The following ZMYM4 variants were observed in gnomAD, a reference collection of about 807,000 sequenced individuals.
ZMYM4 encodes the protein zinc finger MYM-type protein 4.
ZMYM4 carries 31 observed loss-of-function variants against 183.2 expected under a neutral mutation model. The observed-to-expected ratio is 0.17, with a 90% confidence interval of 0.13 to 0.23. ZMYM4 has a LOEUF of 0.23. Among genes scored for constraint, ZMYM4 ranks in the 10% least tolerant of loss-of-function variants. The probability of loss-of-function intolerance (pLI) is 1.00; values close to 1 mark genes in which losing one functional copy is unlikely to be tolerated. For synonymous variants in ZMYM4, 592 were observed against 631.2 expected, an observed-to-expected ratio of 0.94 and a Z score of 0.93; for missense variants, 1,273 against 1,840.3, an observed-to-expected ratio of 0.69 and a Z score of 5.64.
At chr1:35,382,289 TAG>T (rs1209121409) in intron 9 of ZMYM4, among the ~76,000 whole-genome samples, 50 of 150,744 alleles carry the variant, frequency 3.3e-4, no homozygotes, top group African/African-American at 1.2e-3. Context: ...TATATACATA[TAG>T]AGAGAGTTTA....
chr1:35,301,067 G>C (rs1641255195), intron 1 of ZMYM4, among the ~76,000 whole-genome samples: 1 of 152,030 alleles, frequency 6.6e-6, no homozygotes. Flanking sequence ...GATATTTTTG[G>C]TACCCTGTAT....
intron 28 of ZMYM4, among the ~76,000 whole-genome samples, chr1:35,417,004 G>T (rs1363801335): frequency 6.6e-6 from 1 of 152,166 alleles, no homozygotes; most frequent in Non-Finnish European, 1.5e-5. Context: ...TTAGCTAGCT[G>T]CTAAATGGAA....
In ZMYM4 at chr1:35,359,405, A is replaced by G. The variant is rs770204614; in HGVS notation, c.566A>G (p.Asp189Gly). 1 of 1,576,952 alleles carries G rather than the reference A, an allele frequency of 6.3e-7. No individual in the cohort carries two copies. Among genetic ancestry groups the G allele is most frequent in the South Asian group, 1.2e-5 (1 of 84,144 alleles). ...AAACGGTTGGATAAACCCCATAAAG[A>G]TTTGGATTCAAGGTTGAAAAGCAGT... is the stretch of plus-strand genomic sequence containing the variant. Reference protein sequence around the residue: ...REKRLDKPHKDLDSRLKSSFF... With the variant: ...REKRLDKPHKGLDSRLKSSFF... Residue 189 changes from aspartate to glycine, a missense_variant, in exon 3 of 30, where the codon GAT becomes GGT. Physicochemically the swap from Asp to Gly is moderately conservative, Grantham distance 94 (BLOSUM62 -1). Transcript: ENST00000314607.
At chr1:35,275,213 C>CT (rs764995312) in intron 1 of ZMYM4, among the ~76,000 whole-genome samples, 6 of 152,042 alleles carry the variant, frequency 3.9e-5, no homozygotes, top group Non-Finnish European at 5.9e-5. Context: ...TATGTTTGTA[C>CT]TTTTTTTGAC....
intron 18 of ZMYM4, among the ~76,000 whole-genome samples, chr1:35,396,215 G>A (rs1373392552): frequency 2.0e-5 from 3 of 152,088 alleles, no homozygotes; most frequent in Non-Finnish European, 4.4e-5. Flanking sequence ...TGATGGAAAT[G>A]GCCCCTCCCT....
Position 35,392,288 on chromosome 1 carries a change from T to C in ZMYM4, c.2664T>C (p.Asn888=). The part of the protein sequence containing the change: ...LRKDSTPVIA[N]VVSLASAPAA... ...AAGATTCGACTCCAGTTATAGCCAATGTAGTATCATTGGCAAGTGCCCCTG... is the reference window on the plus strand; with the variant it reads ...AAGATTCGACTCCAGTTATAGCCAACGTAGTATCATTGGCAAGTGCCCCTG... Residue 888 remains asparagine (N), a synonymous_variant, in exon 16 of 30, where the codon AAT becomes AAC. Transcript: ENST00000314607. The C allele has an allele frequency of 6.2e-7, 1 of 1,614,210 alleles. No individual in the cohort carries two copies. The highest frequency in any genetic ancestry group is 2.2e-5 in the East Asian group (1 of 44,878).
chr1:35,384,863 G>A (rs1224607398), intron 9 of ZMYM4, among the ~76,000 whole-genome samples: 4 of 141,226 alleles, frequency 2.8e-5, no homozygotes, highest in African/African-American at 1.1e-4. Context: ...TTTTTTTGAG[G>A]TGGAATCTTC....
At chr1:35,361,490 A>AT (rs1199331725) in intron 4 of ZMYM4, 129 bp from the exon 5 acceptor site, 4 of 1,128,174 alleles carry the variant, frequency 3.5e-6, no homozygotes, top group Non-Finnish European at 5.0e-6. Context: ...AGGCGTAGGC[A>AT]TAAGATCCAA....
In ZMYM4 at chr1:35,357,692, G is replaced by A. The variant is rs376743969; in HGVS notation, c.86-1233G>A. The stretch of plus-strand genomic sequence containing the variant: ...TCTGAGGGAAATATAAGAAGCATAT[G>A]CTTGGAATGGGAGGGAACATGATGA... On this transcript the variant is annotated intron_variant, in intron 2 of 29. Coordinates refer to ENST00000314607, the MANE Select transcript of ZMYM4 (RefSeq NM_005095.3). 4.5e-4 allele frequency among the ~76,000 whole-genome samples: 69 copies of A among 152,310 alleles called. 1 individual carries two copies. Among genetic ancestry groups the A allele is most frequent in the African/African-American group, 1.6e-3 (67 of 41,570 alleles).
At chr1:35,394,950 A>G (rs1171847785) in intron 18 of ZMYM4, among the ~76,000 whole-genome samples, 6 of 151,642 alleles carry the variant, frequency 4.0e-5, no homozygotes, top group Non-Finnish European at 5.9e-5. Flanking sequence ...CATCTCTACT[A>G]AAAAATTTTT....
intron 1 of ZMYM4, among the ~76,000 whole-genome samples, chr1:35,274,466 G>T (rs579506): frequency 0.011 from 1,612 of 152,094 alleles, 30 homozygotes; most frequent in African/African-American, 0.032. Flanking sequence ...ATTACCCGAG[G>T]TTTAGTAGCC....
At chr1:35,346,650 CAAAAAAAAAA>C (rs746472685) in intron 2 of ZMYM4, among the ~76,000 whole-genome samples, 1 of 54,188 alleles carries the variant, frequency 1.8e-5, no homozygotes, top group East Asian at 3.3e-4. Flanking sequence ...GACTCCATCT[CAAAAAAAAAA>C]AAAAAAAAAA....
At chr1:35,327,998 C>T (rs183110383) in intron 2 of ZMYM4, among the ~76,000 whole-genome samples, 32 of 152,240 alleles carry the variant, frequency 2.1e-4, no homozygotes, top group Non-Finnish European at 4.4e-4. Context: ...TGTTTGAATA[C>T]CTATTTTGGA....
intron 2 of ZMYM4, among the ~76,000 whole-genome samples, chr1:35,358,407 C>G (rs1643876297): frequency 6.6e-6 from 1 of 152,062 alleles, no homozygotes; most frequent in Non-Finnish European, 1.5e-5. Context: ...GGACTCAGAC[C>G]AAAGACCTGA....
chr1:35,317,365 G>A (rs1355569879), intron 1 of ZMYM4, among the ~76,000 whole-genome samples: 1 of 152,088 alleles, frequency 6.6e-6, no homozygotes, highest in Non-Finnish European at 1.5e-5. Flanking sequence ...CCCGGGAGGT[G>A]GAGGCTGCAG....
In ZMYM4 at chr1:35,403,086, T is replaced by C. The variant is rs148155135; in HGVS notation, c.3529-1937T>C. 5.2e-5 allele frequency among the ~76,000 whole-genome samples: 8 copies of C among 152,384 alleles called. No individual in the cohort carries two copies. The East Asian group carries it at 1.5e-3, about 29-fold the overall frequency. On this transcript the variant is annotated intron_variant, in intron 23 of 29. Coordinates refer to ENST00000314607, the MANE Select transcript of ZMYM4 (RefSeq NM_005095.3). Reference sequence around the variant, plus strand: ...AAGTTTTTTAAATCATGATTGGGTATTGAACTTCCTCAGGTGGATTTCTTG... The same window carrying C: ...AAGTTTTTTAAATCATGATTGGGTACTGAACTTCCTCAGGTGGATTTCTTG...
At chr1:35,277,759 T>C (rs538397859) in intron 1 of ZMYM4, among the ~76,000 whole-genome samples, 14 of 152,214 alleles carry the variant, frequency 9.2e-5, no homozygotes, top group Non-Finnish European at 1.6e-4. Flanking sequence ...TAAATGCTTA[T>C]TTTTTTCCCC....
Position 35,370,064 on chromosome 1 carries a change from G to A in ZMYM4, c.876G>A (p.Glu292=), listed in dbSNP as rs747770356. 7.4e-6 allele frequency: 12 copies of A among 1,613,142 alleles called. No homozygotes were observed. The highest frequency in any genetic ancestry group is 1.7e-5 in the Admixed American group (1 of 59,952). Residue 292 remains glutamate (E), a synonymous_variant, in exon 6 of 30, where the codon GAG becomes GAA. Transcript: ENST00000314607. ...ATGGCCAACAGCAAAAAACTCAAGA[G>A]GGGGAACTGAAAATTAGTGCTGTGT... is the stretch of plus-strand genomic sequence containing the variant. ...YSHGQQQKTQ[E]GELKISAVFS... is the part of the protein sequence containing the mutation.
intron 1 of ZMYM4, among the ~76,000 whole-genome samples, chr1:35,275,317 C>T (rs1398145108): frequency 6.6e-6 from 1 of 152,050 alleles, no homozygotes; most frequent in African/African-American, 2.4e-5. Flanking sequence ...TCTCAGCTCA[C>T]TACAACCTCC....
Sources: gnomAD v4.1 joint callset for allele counts (sites outside exome capture counted in the v4.1 genomes callset) on GRCh38, gnomAD v4.1.1 for gene constraint, MANE v1.5 for transcripts, NCBI Gene and HGNC (gene_info 2026-07-23, HGNC 2026-07-21) for gene names.